TIMELESS: variants seen among roughly 807,000 people sequenced by gnomAD.
TIMELESS encodes timeless circadian regulator.
A neutral mutation model predicts 164.3 loss-of-function variants in TIMELESS; 124 were observed. That is an observed-to-expected ratio of 0.75 (90% CI 0.65 to 0.88). The LOEUF (loss-of-function observed/expected upper bound fraction) is 0.88. Ranked by LOEUF, TIMELESS falls within the 40% of genes least tolerant of loss-of-function variation. The pLI is 0.00. For missense variants in TIMELESS, 1,422 were observed against 1,491.4 expected, an observed-to-expected ratio of 0.95 and a Z score of 0.77; for synonymous variants, 564 against 563.4, an observed-to-expected ratio of 1.00 and a Z score of -0.02.
chr12:56,430,168 G>A lies in TIMELESS; in HGVS notation c.1023C>T (p.Phe341=), dbSNP rs781719755. 1.7e-5 allele frequency: 27 copies of A among 1,614,092 alleles called. No individual in the cohort carries two copies. The highest frequency in any genetic ancestry group is 2.2e-5 in the Non-Finnish European group (26 of 1,180,006). ...GGAACTCAGAGCAGAAGTCTCTGAG[G>A]AAGAGCCTCACATTGAGGGCAGAAC... ...QRRSALNVRL[F]LRDFCSEFLE... Residue 341 remains phenylalanine, a synonymous_variant, in exon 10 of 29, where the codon TTC becomes TTT. Coordinates refer to ENST00000553532, the MANE Select transcript of TIMELESS (RefSeq NM_003920.5).
intron 26 of TIMELESS, among the ~76,000 whole-genome samples, chr12:56,418,846 C>T (rs1881359385): frequency 6.6e-6 from 1 of 151,710 alleles, no homozygotes; most frequent in Non-Finnish European, 1.5e-5. Context: ...GGATTACAGG[C>T]ATGAGCCACT....
chr12:56,420,971 T>C lies in TIMELESS; in HGVS notation c.3032A>G (p.His1011Arg), dbSNP rs759146031. ...CCAGCCAAAGTCCTCACCTTCCTGATGCAGGCTTTGACCAAGGTTTTCATT... is the reference window on the plus strand; with the variant it reads ...CCAGCCAAAGTCCTCACCTTCCTGACGCAGGCTTTGACCAAGGTTTTCATT... ...LSNENLGQSL[H>R]QEGFSIPLLW... Residue 1011 changes from histidine to arginine, a missense_variant, in exon 24 of 29, where the codon CAT becomes CGT. Physicochemically the swap from His to Arg is conservative, Grantham distance 29 (BLOSUM62 0). Coordinates refer to ENST00000553532, the MANE Select transcript of TIMELESS (RefSeq NM_003920.5). 2.5e-6 allele frequency: 4 copies of C among 1,614,104 alleles called. No homozygotes were observed. Among genetic ancestry groups the C allele is most frequent in the East Asian group, 2.2e-5 (1 of 44,900 alleles).
At position 56,432,461 on chromosome 12, in the gene TIMELESS, C is replaced by A. The variant is rs775479992; in HGVS notation, c.595G>T (p.Asp199Tyr). 1 of 1,614,218 alleles carries A rather than the reference C, an allele frequency of 6.2e-7. No homozygotes were observed. Among genetic ancestry groups the A allele is most frequent in the Non-Finnish European group, 8.5e-7 (1 of 1,180,042 alleles). ...CTGGCCAGAAAGAGGAGCAGGTCAT[C>A]CAGGCCGCTGAGGTGAATCGCCCAG... ...LLWAIHLSGL[D>Y]DLLLFLASSS... Residue 199 changes from aspartate to tyrosine, a missense_variant, in exon 7 of 29, where the codon GAT (aspartate) becomes TAT (tyrosine). Physicochemically the swap from Asp to Tyr is radical, Grantham distance 160 (BLOSUM62 -3). Coordinates refer to ENST00000553532, the MANE Select transcript of TIMELESS (RefSeq NM_003920.5).
chr12:56,431,476 G>A lies in TIMELESS; in HGVS notation c.816C>T (p.Gly272=). The change falls in exon 8 of 29, where the codon GGC becomes GGT. Residue 272 remains glycine (G), a synonymous_variant. Coordinates refer to ENST00000553532, the MANE Select transcript of TIMELESS (RefSeq NM_003920.5). ...CCTGCCTCTCTGTCACTCACCTGTT[G>A]CCTCGCTGGAGGGCTCGAGTCTTCT... The part of the protein sequence containing the change: ...AEKKTRALQR[G]NRHSRFGGSY... 1 of 1,607,896 alleles carries A rather than the reference G, an allele frequency of 6.2e-7. No homozygotes were observed. Among genetic ancestry groups the A allele is most frequent in the South Asian group, 1.1e-5 (1 of 90,634 alleles).
chr12:56,433,836 C>T lies in TIMELESS; in HGVS notation c.188G>A (p.Ser63Asn). 6.2e-7 allele frequency: 1 copy of T among 1,614,136 alleles called. No homozygotes were observed. Among genetic ancestry groups the T allele is most frequent in the Non-Finnish European group, 8.5e-7 (1 of 1,180,042 alleles). The change falls in exon 3 of 29, where the codon AGC (serine) becomes AAC (asparagine). Residue 63 changes from serine (S) to asparagine (N), a missense_variant. Ser to Asn is a conservative substitution (Grantham distance 46, BLOSUM62 1). Coordinates refer to ENST00000553532, the MANE Select transcript of TIMELESS (RefSeq NM_003920.5). ...CTGGGTGAGGATGGGCAGAAGGTCG[C>T]TCTGTAGGATCTGGGCTGCCCCCAG... ...QQLGAAQILQ[S>N]DLLPILTQHH...
At chr12:56,428,844 T>A (rs1458678600) in intron 11 of TIMELESS, 39 bp downstream of exon 11, 4 of 1,599,968 alleles carry the variant, frequency 2.5e-6, no homozygotes, top group Non-Finnish European at 3.4e-6. Flanking sequence ...AGCATTCAGA[T>A]CCCTAGCTCA....
Position 56,433,916 on chromosome 12 carries a change from C to T in TIMELESS, c.108G>A (p.Lys36=). 1 of 1,614,194 alleles carries T rather than the reference C, an allele frequency of 6.2e-7. No individual in the cohort carries two copies. The highest frequency in any genetic ancestry group is 8.5e-7 in the Non-Finnish European group (1 of 1,180,032). ...HKEPDCLESV[K]DLIRYLRHED... is the part of the protein sequence containing the mutation. ...CATGCCTCAAATAGCGGATCAGATCCTTCACGCTCTCTTCAGAGACAGAAC... is the reference window on the plus strand; with the variant it reads ...CATGCCTCAAATAGCGGATCAGATCTTTCACGCTCTCTTCAGAGACAGAAC... Residue 36 remains lysine, a synonymous_variant, in exon 3 of 29, where the codon AAG becomes AAA. Coordinates refer to ENST00000553532, the MANE Select transcript of TIMELESS (RefSeq NM_003920.5).
At chr12:56,434,002 T>C in intron 2 of TIMELESS, 72 bp downstream of exon 2, 3 of 1,610,730 alleles carry the variant, frequency 1.9e-6, no homozygotes, top group Non-Finnish European at 2.5e-6. Context: ...TTCACACCCA[T>C]GGTTTGAGGA....
chr12:56,422,807 T>TGCC, intron 19 of TIMELESS, 40 bp downstream of exon 19: 2 of 1,447,334 alleles, frequency 1.4e-6, no homozygotes, highest in Non-Finnish European at 1.9e-6. Flanking sequence ...GCATCAAACT[T>TGCC]CCCCTACCCC....
At chr12:56,428,772 C>A (rs1233799603) in intron 11 of TIMELESS, 111 bp downstream of exon 11, 2 of 1,476,084 alleles carry the variant, frequency 1.4e-6, no homozygotes, top group Non-Finnish European at 1.9e-6. Flanking sequence ...CCCAGCCAGT[C>A]CTTGCTCCCC....
At chr12:56,420,221 A>G (rs1231370732) in intron 26 of TIMELESS, among the ~76,000 whole-genome samples, 1 of 151,794 alleles carries the variant, frequency 6.6e-6, no homozygotes, top group African/African-American at 2.4e-5. Flanking sequence ...CAAATACTAC[A>G]AAAAGGGACT....
intron 9 of TIMELESS, 120 bp downstream of exon 9, chr12:56,430,761 C>T (rs1159564698): frequency 1.6e-6 from 1 of 612,730 alleles, no homozygotes; most frequent in Non-Finnish European, 2.8e-6. Flanking sequence ...GCCTCAGCCT[C>T]CCAAAGTGCT....
intron 1 of TIMELESS, among the ~76,000 whole-genome samples, chr12:56,446,875 C>T (rs1053865040): frequency 3.3e-5 from 5 of 151,912 alleles, no homozygotes; most frequent in African/African-American, 1.2e-4. Context: ...GAAGTGACCT[C>T]CTTTTCCTTA....
intron 17 of TIMELESS, 21 bp from the exon 18 acceptor site, chr12:56,423,496 A>T (rs1211976490): frequency 3.7e-6 from 6 of 1,613,768 alleles, no homozygotes; most frequent in Non-Finnish European, 5.1e-6. Context: ...ACAAGGAGGG[A>T]GAGGATGTCA....
At chr12:56,440,686 C>T (rs2136152237) in intron 1 of TIMELESS, among the ~76,000 whole-genome samples, 1 of 152,274 alleles carries the variant, frequency 6.6e-6, no homozygotes, top group South Asian at 2.1e-4. Flanking sequence ...TAAATGAGAT[C>T]ATGTAAAGCA....
Position 56,422,198 on chromosome 12 carries a change from G to A in TIMELESS, c.2439-7C>T. On this transcript the variant is annotated splice_region_variant and splice_polypyrimidine_tract_variant and intron_variant, in intron 19 of 28. Coordinates refer to ENST00000553532, the MANE Select transcript of TIMELESS (RefSeq NM_003920.5). ...TGCTCTGCGACTGGAAGACCTGAAT[G>A]GTGAAAGGAGAAAGGGAGCATATAG... 6.2e-7 allele frequency: 1 copy of A among 1,613,552 alleles called. No homozygotes were observed. The highest frequency in any genetic ancestry group is 8.5e-7 in the Non-Finnish European group (1 of 1,179,882).
intron 18 of TIMELESS, 80 bp downstream of exon 18, chr12:56,423,194 C>T (rs774049): frequency 0.049 from 75,082 of 1,537,640 alleles, 2,540 homozygotes; most frequent in Admixed American, 0.14. Flanking sequence ...CCTCTCAGCA[C>T]CTTCTATCTC....
Position 56,422,899 on chromosome 12 carries a change from T to G in TIMELESS, c.2386A>C (p.Asn796His). 1 of 1,613,630 alleles carries G rather than the reference T, an allele frequency of 6.2e-7. No individual in the cohort carries two copies. Among genetic ancestry groups the G allele is most frequent in the Non-Finnish European group, 8.5e-7 (1 of 1,179,998 alleles). The change falls in exon 19 of 29, where the codon AAC (asparagine) becomes CAC (histidine). Residue 796 changes from asparagine (N) to histidine (H), a missense_variant. By Grantham distance (68) the Asn-to-His change is moderately conservative. Transcript: ENST00000553532. ...KAFVELLFWK[N>H]TAVVREMTEG... is the part of the protein sequence containing the mutation. ...GTCATCTCTCGAACCACAGCTGTGT[T>G]CTTCCAGAACAACAGCTCCACAAAG... is the stretch of plus-strand genomic sequence containing the variant.
intron 26 of TIMELESS, 31 bp downstream of exon 26, chr12:56,420,538 C>G: frequency 6.3e-7 from 1 of 1,585,512 alleles, no homozygotes; most frequent in Non-Finnish European, 8.7e-7. Flanking sequence ...GACTAACACG[C>G]CTTGGTTGAC....
Sources: allele counts gnomAD v4.1 joint callset (sites outside exome capture counted in the v4.1 genomes callset), GRCh38; gene constraint gnomAD v4.1.1; transcripts MANE v1.5; gene names NCBI Gene and HGNC (gene_info 2026-07-23, HGNC 2026-07-21).